The following ST6GALNAC3 variants were observed in gnomAD, a reference collection of about 807,000 sequenced individuals.
The protein encoded by ST6GALNAC3 is ST6 N-acetylgalactosaminide alpha-2,6-sialyltransferase 3.
In ST6GALNAC3, 25 loss-of-function variants were observed where a neutral mutation model predicts 32.7. The observed-to-expected ratio is 0.76, with a 90% CI of 0.56 to 1.07. The LOEUF is 1.07. Ranked by LOEUF, ST6GALNAC3 falls within the 50% of genes least tolerant of loss-of-function variation. ST6GALNAC3 has a pLI of 0.00. For synonymous variants in ST6GALNAC3, 129 were observed against 133.1 expected (o/e 0.97, Z 0.21); for missense variants, 355 against 382.4 (o/e 0.93, Z 0.60).
intron 1 of ST6GALNAC3, among the ~76,000 whole-genome samples, chr1:76,248,380 T>A (rs1020767088): frequency 6.6e-6 from 1 of 152,182 alleles, no homozygotes; most frequent in Non-Finnish European, 1.5e-5. Flanking sequence ...TCTCCCTAAG[T>A]ATGCAGTTAC....
chr1:76,161,397 G>C (rs1651797541), intron 1 of ST6GALNAC3, among the ~76,000 whole-genome samples: 1 of 152,228 alleles, frequency 6.6e-6, no homozygotes, highest in Non-Finnish European at 1.5e-5. Flanking sequence ...AAGCGGCAGA[G>C]AGCGGCAGCA....
chr1:76,139,196 TG>T (rs1381201227), intron 1 of ST6GALNAC3, among the ~76,000 whole-genome samples: 1 of 140,410 alleles, frequency 7.1e-6, no homozygotes, highest in African/African-American at 2.7e-5. Flanking sequence ...TCCGTCTCAA[TG>T]GAAAAAAAAA....
intron 1 of ST6GALNAC3, among the ~76,000 whole-genome samples, chr1:76,246,279 C>G (rs1167931001): frequency 5.9e-5 from 9 of 151,980 alleles, no homozygotes. Flanking sequence ...TTCCTGCATC[C>G]CTTTATTTTG....
intron 3 of ST6GALNAC3, among the ~76,000 whole-genome samples, chr1:76,600,545 C>G (rs535545727): frequency 1.2e-4 from 19 of 152,282 alleles, no homozygotes; most frequent in South Asian, 2.1e-4. Context: ...GCTCATTCCC[C>G]TCCAAAAAAG....
intron 1 of ST6GALNAC3, among the ~76,000 whole-genome samples, chr1:76,189,321 CT>C (rs1653761405): frequency 6.6e-6 from 1 of 152,208 alleles, no homozygotes; most frequent in Admixed American, 6.5e-5. Flanking sequence ...ACCACCACCC[CT>C]GTGATAAGTC....
At chr1:76,616,476 G>T (rs1335597870) in intron 3 of ST6GALNAC3, among the ~76,000 whole-genome samples, 1 of 152,202 alleles carries the variant, frequency 6.6e-6, no homozygotes. Flanking sequence ...TGATGGAGCA[G>T]ATAGCTCCCC....
chr1:76,178,726 A>G (rs531827271), intron 1 of ST6GALNAC3, among the ~76,000 whole-genome samples: 70 of 152,288 alleles, frequency 4.6e-4, no homozygotes, highest in African/African-American at 1.7e-3. Context: ...TTCAAATATG[A>G]TCATCTGAGA....
intron 1 of ST6GALNAC3, among the ~76,000 whole-genome samples, chr1:76,126,382 C>CTTCT (rs751624257): frequency 2.6e-5 from 4 of 151,562 alleles, no homozygotes; most frequent in Non-Finnish European, 5.9e-5. Context: ...GTCTTTCTTT[C>CTTCT]TTCTTTCTTT....
At chr1:76,445,112 G>C (rs1656880659) in intron 3 of ST6GALNAC3, among the ~76,000 whole-genome samples, 1 of 152,140 alleles carries the variant, frequency 6.6e-6, no homozygotes, top group Admixed American at 6.6e-5. Context: ...GTAGTTTTAT[G>C]ACTTTGTGAC....
chr1:76,296,889 A>G (rs1477729198), intron 1 of ST6GALNAC3, among the ~76,000 whole-genome samples: 1 of 152,078 alleles, frequency 6.6e-6, no homozygotes, highest in Non-Finnish European at 1.5e-5. Flanking sequence ...TGTATGGTGC[A>G]GTTGCCCCAT....
At chr1:76,566,204 G>A (rs1029982035) in intron 3 of ST6GALNAC3, among the ~76,000 whole-genome samples, 16 of 151,976 alleles carry the variant, frequency 1.1e-4, no homozygotes, top group African/African-American at 3.9e-4. Context: ...TGTCAGGTGT[G>A]GACTAATATA....
chr1:76,166,173 A>T (rs12031035), intron 1 of ST6GALNAC3, among the ~76,000 whole-genome samples: 108,502 of 152,058 alleles, frequency 0.71, 40,702 homozygotes, highest in East Asian at 0.95. Flanking sequence ...TCTTGAGTTA[A>T]TTTTTGTATA....
intron 1 of ST6GALNAC3, among the ~76,000 whole-genome samples, chr1:76,227,572 C>T (rs1344497808): frequency 3.3e-5 from 5 of 152,076 alleles, no homozygotes; most frequent in African/African-American, 4.8e-5. Flanking sequence ...AATTTTTATT[C>T]TAAGATAAAT....
intron 3 of ST6GALNAC3, among the ~76,000 whole-genome samples, chr1:76,531,038 G>C (rs556385870): frequency 6.6e-6 from 1 of 152,298 alleles, no homozygotes; most frequent in Admixed American, 6.5e-5. Flanking sequence ...AAGGCCAGTT[G>C]TTTAGATAGA....
At chr1:76,257,330 A>T (rs372842320) in intron 1 of ST6GALNAC3, among the ~76,000 whole-genome samples, 3 of 152,156 alleles carry the variant, frequency 2.0e-5, no homozygotes, top group African/African-American at 7.2e-5. Context: ...GACGGGACTT[A>T]TAATAGTGGT....
chr1:76,085,486 A>C (rs1350792770), intron 1 of ST6GALNAC3, among the ~76,000 whole-genome samples: 1 of 152,170 alleles, frequency 6.6e-6, no homozygotes, highest in African/African-American at 2.4e-5. Flanking sequence ...GAGGAGACTG[A>C]AGCTTAGAGA....
chr1:76,313,162 A>G (rs1646800086), intron 1 of ST6GALNAC3, among the ~76,000 whole-genome samples: 1 of 152,122 alleles, frequency 6.6e-6, no homozygotes, highest in Non-Finnish European at 1.5e-5. Context: ...AGTGATAATG[A>G]TACTGTGTCT....
At chr1:76,597,793 G>C (rs553873592) in intron 3 of ST6GALNAC3, among the ~76,000 whole-genome samples, 1 of 152,072 alleles carries the variant, frequency 6.6e-6, no homozygotes, top group African/African-American at 2.4e-5. Flanking sequence ...GCTGGAATTG[G>C]AGCTCTGGGG....
intron 3 of ST6GALNAC3, among the ~76,000 whole-genome samples, chr1:76,536,527 C>G (rs977414043): frequency 6.6e-6 from 1 of 151,864 alleles, no homozygotes; most frequent in Non-Finnish European, 1.5e-5. Flanking sequence ...GGAAACCTCC[C>G]CCATGATTCA....
Sources: allele counts gnomAD v4.1 joint callset (sites outside exome capture counted in the v4.1 genomes callset), GRCh38; gene constraint gnomAD v4.1.1; transcripts MANE v1.5; gene names NCBI Gene and HGNC (gene_info 2026-07-23, HGNC 2026-07-21).